The following RAD54L2 variants were observed in gnomAD, a reference collection of about 807,000 sequenced individuals.
RAD54L2 encodes RAD54 like 2, also known as helicase ARIP4.
In RAD54L2, 27 loss-of-function variants were observed where a neutral mutation model predicts 138.4. The ratio of observed to expected loss-of-function variants is 0.20; its 90% CI spans 0.14 to 0.27. The LOEUF (loss-of-function observed/expected upper bound fraction) is 0.27. RAD54L2 is among the 10% of genes least tolerant of loss of function. The pLI is 1.00. For synonymous variants in RAD54L2, 644 were observed against 723.2 expected (o/e 0.89, Z 1.76); for missense variants, 1,396 against 1,890.2 (o/e 0.74, Z 4.85).
At chr3:51,582,576 C>A (rs965461920) in intron 2 of RAD54L2, among the ~76,000 whole-genome samples, 2 of 151,572 alleles carry the variant, frequency 1.3e-5, no homozygotes, top group Non-Finnish European at 2.9e-5. Flanking sequence ...CTCCACCCCC[C>A]ACAACTCTGC....
intron 3 of RAD54L2, among the ~76,000 whole-genome samples, chr3:51,599,021 C>T (rs975913156): frequency 6.6e-6 from 1 of 152,098 alleles, no homozygotes; most frequent in African/African-American, 2.4e-5. Context: ...AACTGGTGTG[C>T]GTCGGGGGGC....
At position 51,665,077 on chromosome 3, in the gene RAD54L2, C is replaced by T. The variant is rs947118083; in HGVS notation, c.*1657C>T. On this transcript the variant is annotated 3_prime_UTR_variant, in exon 23 of 23. Coordinates refer to ENST00000684192, the MANE Select transcript of RAD54L2 (RefSeq NM_015106.4). ...ATCTTAAAAGAACACACCAGTCATT[C>T]TGGGTCTCCCCTTATTGCCATTGCC... 2 of 152,160 alleles carry T rather than the reference C, an allele frequency of 1.3e-5. No homozygotes were observed. Among genetic ancestry groups the T allele is most frequent in the Non-Finnish European group, 2.9e-5 (2 of 68,028 alleles). The allele number at this position is 152,160 out of a possible 1,614,324, so 9.4% of individuals were successfully genotyped here. A position where few individuals can be genotyped will look rare whatever the true frequency, so the allele number is the denominator to read the frequency against.
chr3:51,557,024 A>G (rs1342741233), intron 2 of RAD54L2, among the ~76,000 whole-genome samples: 3 of 152,016 alleles, frequency 2.0e-5, no homozygotes, highest in Non-Finnish European at 4.4e-5. Flanking sequence ...CTTTCCCATC[A>G]TCCTTGCTGG....
intron 2 of RAD54L2, among the ~76,000 whole-genome samples, chr3:51,585,942 T>C (rs1248191666): frequency 6.6e-6 from 1 of 152,108 alleles, no homozygotes; most frequent in Non-Finnish European, 1.5e-5. Flanking sequence ...CCCTTGTCAC[T>C]GGAGATTGTA....
intron 4 of RAD54L2, among the ~76,000 whole-genome samples, chr3:51,628,046 CT>C (rs1700734103): frequency 6.6e-6 from 1 of 152,188 alleles, no homozygotes; most frequent in African/African-American, 2.4e-5. Flanking sequence ...CTGAGCTGGA[CT>C]TTCCGGTTTT....
chr3:51,579,160 GC>G (rs1377736361), intron 2 of RAD54L2, among the ~76,000 whole-genome samples: 4 of 147,820 alleles, frequency 2.7e-5, no homozygotes, highest in Non-Finnish European at 6.0e-5. Context: ...CTGAGCCTGG[GC>G]TTTTTTTTTT....
At chr3:51,567,149 TG>T (rs1307790983) in intron 2 of RAD54L2, among the ~76,000 whole-genome samples, 1 of 152,250 alleles carries the variant, frequency 6.6e-6, no homozygotes, top group Non-Finnish European at 1.5e-5. Context: ...ACTGCTGCAG[TG>T]TCAAATCTCA....
chr3:51,550,011 C>A (rs1471504653), intron 2 of RAD54L2, among the ~76,000 whole-genome samples: 1 of 152,128 alleles, frequency 6.6e-6, no homozygotes, highest in Non-Finnish European at 1.5e-5. Context: ...TGTGCCCTGC[C>A]GGCTATGCTA....
chr3:51,542,296 A>T (rs1698574050), intron 2 of RAD54L2, among the ~76,000 whole-genome samples: 1 of 152,092 alleles, frequency 6.6e-6, no homozygotes, highest in Non-Finnish European at 1.5e-5. Context: ...AATGTGTATT[A>T]TTATATAGGA....
rs1052219634 is a variant in RAD54L2, at chr3:51,636,939, GA to G, written c.1340-213del. ...CAGTGTGAGACTCTGTCTCAAAAAA[GA>G]AAAAAAAAGAGTCAACTGCCAGATT... On this transcript the variant is annotated intron_variant, in intron 10 of 22. Transcript: ENST00000684192. The G allele has an allele frequency of 6.9e-4, 379 of 548,280 alleles. 1 individual carries two copies. Among genetic ancestry groups the G allele is most frequent in the Middle Eastern group, 4.9e-3 (10 of 2,052 alleles). 34.0% of individuals were successfully genotyped at this position (548,280 alleles called of 1,614,324 possible). A position where few individuals can be genotyped will look rare whatever the true frequency, so the allele number is the denominator to read the frequency against.
intron 2 of RAD54L2, among the ~76,000 whole-genome samples, chr3:51,548,715 G>A (rs1553672867): frequency 6.6e-6 from 1 of 151,836 alleles, no homozygotes; most frequent in East Asian, 1.9e-4. Context: ...TGGGATGACA[G>A]TCACCCCTTA....
rs1698726408 is a variant in RAD54L2 at position 51,547,474 on chromosome 3, T to C, written c.-55+5824T>C. The stretch of plus-strand genomic sequence containing the variant: ...CATTGGAGGTACTAACATGTGCTTA[T>C]GGTTTTATAGTACCATCAATAGTAG... On this transcript the variant is annotated intron_variant, in intron 2 of 22. Transcript: ENST00000684192. Among the ~76,000 whole-genome samples, 5 of 152,320 alleles carry C rather than the reference T, an allele frequency of 3.3e-5. No individual in the cohort carries two copies. The South Asian group carries it at 1.0e-3, about 32-fold the overall frequency.
At chr3:51,571,388 C>CTTT (rs568383202) in intron 2 of RAD54L2, among the ~76,000 whole-genome samples, 25 of 115,824 alleles carry the variant, frequency 2.2e-4, no homozygotes, top group Non-Finnish European at 3.2e-4. Flanking sequence ...GGAATACCTG[C>CTTT]TTTTTTTTTT....
Position 51,637,185 on chromosome 3 carries a change from C to G in RAD54L2, c.1364C>G (p.Pro455Arg). ...GAGTTTGAGAAGGCTTTATGCCGCC[C>G]TGGCCCTGATGTAGTAATCTGTGAT... Reference protein sequence around the residue: ...RREFEKALCRPGPDVVICDEG... With the variant: ...RREFEKALCRRGPDVVICDEG... The change falls in exon 11 of 23, where the codon CCT becomes CGT. Residue 455 changes from proline (P) to arginine (R), a missense_variant. By Grantham distance (103) the Pro-to-Arg change is moderately radical. This residue lies in a region of RAD54L2 where 169 missense variants were observed against 235.6 expected (regional missense o/e 0.72). Coordinates refer to ENST00000684192, the MANE Select transcript of RAD54L2 (RefSeq NM_015106.4). This position sits in a 1 kb window ranked among gnomAD's most constrained non-coding sequence, Gnocchi z 5.9. The G allele has an allele frequency of 5.7e-6, 9 of 1,587,320 alleles. No homozygotes were observed. The highest frequency in any genetic ancestry group is 7.7e-6 in the Non-Finnish European group (9 of 1,166,604).
rs1173598017 is a variant in RAD54L2 at position 51,646,254 on chromosome 3, TAACTAAATC to T, written c.2830-27_2830-19del. The T allele has an allele frequency of 7.1e-6, 11 of 1,546,186 alleles. No homozygotes were observed. The East Asian group carries it at 2.4e-4, about 34-fold the overall frequency. ...GCTCATTATCTATCAGCCATGTTGG[TAACTAAATC>T]AACATCCTCCTGTGTCCCCAGGAGC... On this transcript the variant is annotated intron_variant, in intron 18 of 22. Transcript: ENST00000684192.
intron 3 of RAD54L2, among the ~76,000 whole-genome samples, chr3:51,621,428 G>T (rs1700567353): frequency 6.6e-6 from 1 of 152,210 alleles, no homozygotes; most frequent in African/African-American, 2.4e-5. Context: ...TGTCAGACAG[G>T]AGTTCACAGT....
intron 6 of RAD54L2, 117 bp downstream of exon 6, chr3:51,630,505 T>G (rs1700809504): frequency 1.9e-6 from 2 of 1,058,522 alleles, no homozygotes; most frequent in Non-Finnish European, 2.8e-6. Flanking sequence ...CTTTGACTAA[T>G]TTCCCTGTGT....
At chr3:51,617,331 A>G (rs889240277) in intron 3 of RAD54L2, among the ~76,000 whole-genome samples, 43 of 152,126 alleles carry the variant, frequency 2.8e-4, no homozygotes, top group African/African-American at 9.9e-4. Flanking sequence ...ACCACTCTTT[A>G]CTCCTGCCAG....
intron 2 of RAD54L2, among the ~76,000 whole-genome samples, chr3:51,555,092 A>G (rs1269383801): frequency 4.6e-5 from 7 of 152,048 alleles, no homozygotes; most frequent in East Asian, 1.9e-4. Flanking sequence ...ACCCGCCCAC[A>G]TCGGCCTCCC....
Sources: gnomAD v4.1 joint callset for allele counts (sites outside exome capture counted in the v4.1 genomes callset) on GRCh38, gnomAD v4.1.1 for gene constraint, gnomAD v4.1.1 regional missense constraint, Gnocchi (gnomAD v3.1) non-coding constraint, MANE v1.5 for transcripts, NCBI Gene and HGNC (gene_info 2026-07-23, HGNC 2026-07-21) for gene names.